Variants in BABAM2 observed in about 807,000 individuals in gnomAD.
BABAM2 encodes the protein BRISC and BRCA1-A complex member 2.
BABAM2 carries 31 observed loss-of-function variants against 54.7 expected under a neutral mutation model. That is an observed-to-expected ratio of 0.57 (90% CI 0.43 to 0.77). BABAM2 has a LOEUF of 0.77. Among genes scored for constraint, BABAM2 ranks in the 30% least tolerant of loss-of-function variants. The probability of loss-of-function intolerance (pLI) is 0.00; values close to 1 mark genes in which losing one functional copy is unlikely to be tolerated. For synonymous variants in BABAM2, 167 were observed against 162.9 expected (o/e 1.03, Z -0.19); for missense variants, 364 against 455.8 (o/e 0.80, Z 1.83).
chr2:28,223,438 A>C (rs1283081016), intron 7 of BABAM2, among the ~76,000 whole-genome samples: 2 of 152,194 alleles, frequency 1.3e-5, no homozygotes, highest in Non-Finnish European at 2.9e-5. Context: ...CCTGAGCTGC[A>C]TCAGCAGAAT....
intron 4 of BABAM2, among the ~76,000 whole-genome samples, chr2:28,023,448 A>G (rs1041819077): frequency 3.9e-5 from 6 of 152,202 alleles, no homozygotes; most frequent in Non-Finnish European, 5.9e-5. Context: ...TTTAAGTTCT[A>G]TACGGTGCTG....
At chr2:28,315,653 A>T (rs948118223) in intron 11 of BABAM2, among the ~76,000 whole-genome samples, 107 of 148,356 alleles carry the variant, frequency 7.2e-4, no homozygotes, top group African/African-American at 2.4e-3. Flanking sequence ...TTATTTATTT[A>T]TTTATTTTTT....
At chr2:28,051,813 T>C (rs1461155034) in intron 6 of BABAM2, among the ~76,000 whole-genome samples, 1 of 151,902 alleles carries the variant, frequency 6.6e-6, no homozygotes, top group African/African-American at 2.4e-5. Flanking sequence ...CAGGCCTGGC[T>C]AATTTTTTGT....
chr2:28,042,479 C>G (rs1002295587), intron 5 of BABAM2, among the ~76,000 whole-genome samples: 3 of 151,936 alleles, frequency 2.0e-5, no homozygotes, highest in East Asian at 1.9e-4. Flanking sequence ...AAAGAATGTT[C>G]CAGGAAAGGA....
At chr2:28,313,734 C>T (rs968619510) in intron 11 of BABAM2, among the ~76,000 whole-genome samples, 4 of 152,182 alleles carry the variant, frequency 2.6e-5, no homozygotes, top group African/African-American at 4.8e-5. Flanking sequence ...CTTCAGCAAA[C>T]GTGTAAGAGC....
intron 10 of BABAM2, among the ~76,000 whole-genome samples, chr2:28,287,663 A>T (rs978701112): frequency 1.6e-4 from 24 of 152,212 alleles, no homozygotes; most frequent in Non-Finnish European, 3.2e-4. Flanking sequence ...GCTTCCTGGA[A>T]GAAGGCGGGG....
intron 3 of BABAM2, among the ~76,000 whole-genome samples, chr2:27,978,874 A>G (rs574398258): frequency 6.6e-6 from 1 of 152,270 alleles, no homozygotes; most frequent in Non-Finnish European, 1.5e-5. Flanking sequence ...GCTTCCACTT[A>G]CAAGTGAGAA....
intron 2 of BABAM2, among the ~76,000 whole-genome samples, chr2:27,895,359 T>C (rs1665206564): frequency 6.6e-6 from 1 of 152,236 alleles, no homozygotes; most frequent in South Asian, 2.1e-4. Context: ...AATTTTTCTT[T>C]GCCTATCATG....
At chr2:28,269,089 A>G (rs1272991631) in intron 10 of BABAM2, among the ~76,000 whole-genome samples, 6 of 152,250 alleles carry the variant, frequency 3.9e-5, no homozygotes, top group African/African-American at 1.4e-4. Context: ...CGAGAAGTAC[A>G]TGCCCAGCTT....
intron 11 of BABAM2, among the ~76,000 whole-genome samples, chr2:28,324,846 C>T (rs1690314431): frequency 6.6e-6 from 1 of 152,002 alleles, no homozygotes; most frequent in African/African-American, 2.4e-5. Context: ...CATCTCTGAT[C>T]GTAGATTTAT....
intron 3 of BABAM2, among the ~76,000 whole-genome samples, chr2:27,964,011 C>T (rs1031034916): frequency 3.3e-5 from 5 of 152,112 alleles, no homozygotes; most frequent in African/African-American, 1.2e-4. Flanking sequence ...CATATTGAGG[C>T]TTTGTCTTCA....
chr2:28,113,409 C>G (rs1558348904), intron 6 of BABAM2, among the ~76,000 whole-genome samples: 1 of 152,122 alleles, frequency 6.6e-6, no homozygotes, highest in Non-Finnish European at 1.5e-5. Flanking sequence ...AATAGGGAAT[C>G]TTTTCCCCAT....
intron 4 of BABAM2, among the ~76,000 whole-genome samples, chr2:28,001,838 C>A (rs1206791658): frequency 6.6e-6 from 1 of 151,980 alleles, no homozygotes; most frequent in Non-Finnish European, 1.5e-5. Context: ...TGAGGATAGA[C>A]CCGCCCCTAT....
chr2:28,275,067 C>G (rs1057283366), intron 10 of BABAM2, among the ~76,000 whole-genome samples: 2 of 152,156 alleles, frequency 1.3e-5, no homozygotes, highest in Non-Finnish European at 2.9e-5. Flanking sequence ...GATGACTCAG[C>G]CTCTGCCTTC....
intron 7 of BABAM2, among the ~76,000 whole-genome samples, chr2:28,204,415 A>T (rs758496410): frequency 6.6e-6 from 1 of 152,138 alleles, no homozygotes; most frequent in Non-Finnish European, 1.5e-5. Flanking sequence ...TGCAGAGTGA[A>T]TTTTCTGCAA....
intron 6 of BABAM2, among the ~76,000 whole-genome samples, chr2:28,126,520 C>A (rs1669556758): frequency 7.0e-6 from 1 of 143,796 alleles, no homozygotes; most frequent in Admixed American, 7.0e-5. Context: ...ATATGTGCCA[C>A]ATTTTCTTAA....
chr2:28,056,100 T>C (rs960456265), intron 6 of BABAM2, among the ~76,000 whole-genome samples: 1 of 151,310 alleles, frequency 6.6e-6, no homozygotes, highest in Admixed American at 6.6e-5. Flanking sequence ...TGGTGGTGAG[T>C]GGTGAATGGG....
At chr2:28,195,914 C>T (rs761959259) in intron 7 of BABAM2, among the ~76,000 whole-genome samples, 10 of 152,206 alleles carry the variant, frequency 6.6e-5, no homozygotes, top group Non-Finnish European at 1.5e-4. Context: ...CTCAAGGATA[C>T]TGTTAATAGT....
rs192046242 is a variant in BABAM2 at position 27,913,056 on chromosome 2, G to T, written c.129-16776G>T. Among the ~76,000 whole-genome samples, 4 of 152,210 alleles carry T rather than the reference G, an allele frequency of 2.6e-5. No individual in the cohort carries two copies. The East Asian group carries it at 7.7e-4, about 29-fold the overall frequency. On this transcript the variant is annotated intron_variant, in intron 2 of 11. Transcript: ENST00000379624. ...CAGCATCTAAAGATTCTTCAGAAAA[G>T]TGTTTTTCAAACTCTTTGATGGAAG...
Sources: allele counts gnomAD v4.1 joint callset (sites outside exome capture counted in the v4.1 genomes callset), GRCh38; gene constraint gnomAD v4.1.1; transcripts MANE v1.5; gene names NCBI Gene and HGNC (gene_info 2026-07-23, HGNC 2026-07-21).